Variants in MAGI1 observed in about 807,000 individuals in gnomAD.
MAGI1 encodes membrane-associated guanylate kinase, WW and PDZ domain-containing protein 1.
Under a neutral mutation model 139.9 loss-of-function variants are expected in MAGI1, and 58 were observed. That is an observed-to-expected ratio of 0.41 (90% CI 0.34 to 0.52). MAGI1 has a LOEUF of 0.52. Ranked by LOEUF, MAGI1 falls within the 20% of genes least tolerant of loss-of-function variation. The pLI is 0.12. For synonymous variants in MAGI1, 812 were observed against 737.9 expected, an observed-to-expected ratio of 1.10 and a Z score of -1.63; for missense variants, 1,874 against 1,901.6, an observed-to-expected ratio of 0.99 and a Z score of 0.27.
intron 5 of MAGI1, among the ~76,000 whole-genome samples, chr3:65,459,886 CT>C: frequency 6.6e-6 from 1 of 152,190 alleles, no homozygotes; most frequent in South Asian, 2.1e-4. Context: ...GTTAACACCA[CT>C]GCACTCCAAC....
chr3:65,570,900 G>C (rs2080926059), intron 2 of MAGI1, among the ~76,000 whole-genome samples: 1 of 152,180 alleles, frequency 6.6e-6, no homozygotes. Context: ...CAAAAGAACT[G>C]CTAGGACAAA....
chr3:65,807,669 T>C (rs2040949502), intron 1 of MAGI1, among the ~76,000 whole-genome samples: 1 of 152,102 alleles, frequency 6.6e-6, no homozygotes, highest in Non-Finnish European at 1.5e-5. Flanking sequence ...CAAACAGAAG[T>C]AAATGGAGAA....
intron 12 of MAGI1, among the ~76,000 whole-genome samples, chr3:65,410,692 G>T (rs1945725363): frequency 6.6e-6 from 1 of 152,178 alleles, no homozygotes; most frequent in Admixed American, 6.5e-5. Flanking sequence ...TAGCCGAAGA[G>T]TGTATGCACA....
At chr3:65,664,223 A>C (rs145873228) in intron 1 of MAGI1, among the ~76,000 whole-genome samples, 1 of 152,206 alleles carries the variant, frequency 6.6e-6, no homozygotes, top group Non-Finnish European at 1.5e-5. Context: ...TATGTATTTC[A>C]TGAAAAACAA....
Position 65,379,332 on chromosome 3 carries a change from C to A in MAGI1, c.2924G>T (p.Arg975Leu). The A allele has an allele frequency of 6.2e-7, 1 of 1,613,318 alleles. No individual in the cohort carries two copies. Among genetic ancestry groups the A allele is most frequent in the Non-Finnish European group, 8.5e-7 (1 of 1,179,654 alleles). Residue 975 changes from arginine (R) to leucine (L), a missense_variant, in exon 17 of 23, where the codon CGC (arginine) becomes CTC (leucine). Around this residue, in one of 5 missense-constraint regions of MAGI1, gnomAD observed 482 missense variants for 509.6 expected, o/e 0.95. Transcript: ENST00000402939. ...GAAGCCGAAGCCCTCGTTCTCCCCG[C>A]GCCGGATCTCCACGTCGTAGGGCTG... The part of the protein sequence containing the change: ...VVQPYDVEIR[R>L]GENEGFGFVI...
intron 13 of MAGI1, among the ~76,000 whole-genome samples, chr3:65,400,410 T>C (rs993939973): frequency 1.3e-5 from 2 of 152,128 alleles, no homozygotes; most frequent in African/African-American, 4.8e-5. Context: ...TGGAAAGAAT[T>C]CAGCTGCAGC....
intron 18 of MAGI1, among the ~76,000 whole-genome samples, chr3:65,374,217 T>C (rs1942276494): frequency 6.6e-6 from 1 of 151,984 alleles, no homozygotes; most frequent in African/African-American, 2.4e-5. Flanking sequence ...AGTGTCACCT[T>C]CCTCCCAAGA....
intron 1 of MAGI1, among the ~76,000 whole-genome samples, chr3:65,858,187 C>T (rs568283347): frequency 6.6e-6 from 1 of 152,288 alleles, no homozygotes; most frequent in South Asian, 2.1e-4. Context: ...ATGGCCTAAG[C>T]ATAAATGCCA....
At chr3:65,922,363 T>C (rs532842751) in intron 1 of MAGI1, among the ~76,000 whole-genome samples, 1 of 152,276 alleles carries the variant, frequency 6.6e-6, no homozygotes, top group Non-Finnish European at 1.5e-5. Flanking sequence ...TCATAATGAA[T>C]CAGGGTAATC....
At chr3:65,523,113 C>G (rs1159376861) in intron 2 of MAGI1, among the ~76,000 whole-genome samples, 2 of 152,150 alleles carry the variant, frequency 1.3e-5, no homozygotes, top group Non-Finnish European at 2.9e-5. Flanking sequence ...AAGATGGAGT[C>G]TAAGCACACA....
chr3:65,998,750 C>T (rs1265092267), intron 1 of MAGI1, among the ~76,000 whole-genome samples: 1 of 151,886 alleles, frequency 6.6e-6, no homozygotes, highest in Admixed American at 6.6e-5. Flanking sequence ...AAGCTTCAAG[C>T]CCATAAGATA....
intron 1 of MAGI1, among the ~76,000 whole-genome samples, chr3:65,722,261 A>T (rs1224723986): frequency 6.6e-6 from 1 of 152,156 alleles, no homozygotes; most frequent in Non-Finnish European, 1.5e-5. Flanking sequence ...CCTTACCTAG[A>T]TTTGTTTAAG....
At chr3:65,693,440 G>A (rs1369707430) in intron 1 of MAGI1, among the ~76,000 whole-genome samples, 1 of 152,122 alleles carries the variant, frequency 6.6e-6, no homozygotes, top group African/African-American at 2.4e-5. Context: ...AAGGCACCTG[G>A]ACCATAAAAT....
intron 1 of MAGI1, among the ~76,000 whole-genome samples, chr3:65,763,975 G>A (rs945584499): frequency 6.6e-6 from 1 of 151,522 alleles, no homozygotes; most frequent in African/African-American, 2.4e-5. Context: ...GGGAGGCTGA[G>A]GTGAGAGGAT....
At chr3:65,851,046 G>A (rs2059184565) in intron 1 of MAGI1, among the ~76,000 whole-genome samples, 1 of 152,074 alleles carries the variant, frequency 6.6e-6, no homozygotes, top group African/African-American at 2.4e-5. Context: ...GGCAGAAGTT[G>A]CAGTGAGCCG....
chr3:65,670,567 A>G (rs1451748874), intron 1 of MAGI1, among the ~76,000 whole-genome samples: 2 of 152,200 alleles, frequency 1.3e-5, no homozygotes, highest in African/African-American at 4.8e-5. Context: ...GGACTACAGA[A>G]GAATTATAAC....
At chr3:65,792,502 T>C (rs1393975235) in intron 1 of MAGI1, among the ~76,000 whole-genome samples, 4 of 138,272 alleles carry the variant, frequency 2.9e-5, no homozygotes, top group Admixed American at 1.6e-4. Context: ...TTTAAACTAA[T>C]ACAGTTTTTT....
chr3:65,696,899 C>T (rs529607586), intron 1 of MAGI1, among the ~76,000 whole-genome samples: 5 of 118,992 alleles, frequency 4.2e-5, no homozygotes, highest in East Asian at 2.4e-4. Context: ...AATAGAGACA[C>T]AAAAAACCCT....
intron 1 of MAGI1, among the ~76,000 whole-genome samples, chr3:65,694,999 C>T (rs2089023559): frequency 1.3e-5 from 2 of 152,132 alleles, no homozygotes; most frequent in Admixed American, 1.3e-4. Flanking sequence ...GCTGCTCGTG[C>T]TCAAGGGAAT....
Sources: gnomAD v4.1 joint callset for allele counts (sites outside exome capture counted in the v4.1 genomes callset) on GRCh38, gnomAD v4.1.1 for gene constraint, gnomAD v4.1.1 regional missense constraint, MANE v1.5 for transcripts, NCBI Gene and HGNC (gene_info 2026-07-23, HGNC 2026-07-21) for gene names.